Variants in TCF4 observed in about 807,000 individuals in gnomAD.
TCF4 encodes SL3-3 enhancer factor 2.
TCF4 carries 3 observed loss-of-function variants against 82.1 expected under a neutral mutation model. That is an observed-to-expected ratio of 0.04 (90% CI 0.02 to 0.09). TCF4 has a LOEUF of 0.09. TCF4 is among the 10% of genes least tolerant of loss of function. TCF4 has a pLI of 1.00. For synonymous variants in TCF4, 276 were observed against 309.6 expected, an observed-to-expected ratio of 0.89 and a Z score of 1.14; for missense variants, 518 against 852.7, an observed-to-expected ratio of 0.61 and a Z score of 4.89.
chr18:55,580,631 T>G (rs1365547546), intron 3 of TCF4, among the ~76,000 whole-genome samples: 1 of 151,990 alleles, frequency 6.6e-6, no homozygotes, highest in Non-Finnish European at 1.5e-5. Context: ...ATTACAACAT[T>G]AGACACATTT....
intron 3 of TCF4, among the ~76,000 whole-genome samples, chr18:55,515,913 G>C (rs1177478848): frequency 6.6e-6 from 1 of 152,158 alleles, no homozygotes; most frequent in Non-Finnish European, 1.5e-5. Context: ...CAGGAGAGAA[G>C]AGGAGGTTGG....
intron 6 of TCF4, among the ~76,000 whole-genome samples, chr18:55,360,160 G>A (rs1001965666): frequency 6.6e-6 from 1 of 152,164 alleles, no homozygotes; most frequent in African/African-American, 2.4e-5. Flanking sequence ...TATGAAATAG[G>A]TTAGGAGAAC....
chr18:55,254,714 A>C lies in TCF4; in HGVS notation c.1147-14T>G. 6.3e-7 allele frequency: 1 copy of C among 1,595,240 alleles called. No individual in the cohort carries two copies. Among genetic ancestry groups the C allele is most frequent in the Non-Finnish European group, 8.5e-7 (1 of 1,170,028 alleles). The stretch of plus-strand genomic sequence containing the variant: ...AATTCGGCTTTGCTGTTGGTTAACA[A>C]ATGATGTAAAATTTGATTTAGTTCA... On this transcript the variant is annotated splice_polypyrimidine_tract_variant and intron_variant, in intron 14 of 19. Transcript: ENST00000354452.
intron 5 of TCF4, among the ~76,000 whole-genome samples, chr18:55,404,684 T>C (rs1169597391): frequency 6.6e-6 from 1 of 152,166 alleles, no homozygotes; most frequent in Non-Finnish European, 1.5e-5. Context: ...TTTAGGTCAA[T>C]GGCAATGGCA....
At chr18:55,264,587 GA>G (rs1426820730) in intron 11 of TCF4, 2 of 150,044 alleles carry the variant, frequency 1.3e-5, no homozygotes, top group Non-Finnish European at 3.0e-5. Context: ...TCAAGTGGCA[GA>G]ATTTTTTTTT....
At chr18:55,530,669 A>G (rs575151034) in intron 3 of TCF4, among the ~76,000 whole-genome samples, 21 of 152,246 alleles carry the variant, frequency 1.4e-4, no homozygotes, top group African/African-American at 5.1e-4. Flanking sequence ...TTTTAAATAT[A>G]TATTTAAAAG....
intron 3 of TCF4, among the ~76,000 whole-genome samples, chr18:55,485,989 T>C (rs1322087034): frequency 6.6e-6 from 1 of 152,176 alleles, no homozygotes; most frequent in Non-Finnish European, 1.5e-5. Flanking sequence ...TTGGACTAAA[T>C]AAAATTTTGT....
At chr18:55,272,362 G>A (rs1568598461) in intron 10 of TCF4, among the ~76,000 whole-genome samples, 1 of 151,960 alleles carries the variant, frequency 6.6e-6, no homozygotes, top group Non-Finnish European at 1.5e-5. Context: ...CTCTTTTAGA[G>A]GATTTAGGGA....
At chr18:55,625,242 T>A (rs2097725376) in intron 2 of TCF4, among the ~76,000 whole-genome samples, 1 of 141,294 alleles carries the variant, frequency 7.1e-6, no homozygotes, top group Non-Finnish European at 1.5e-5. Flanking sequence ...AGCTACAACT[T>A]TTTTTTTTTT....
intron 8 of TCF4, among the ~76,000 whole-genome samples, chr18:55,284,936 T>C (rs1057372874): frequency 1.3e-5 from 2 of 152,186 alleles, no homozygotes. Context: ...TCTCTCAGCA[T>C]CTACTGGGGA....
chr18:55,377,561 C>G (rs1270239410), intron 6 of TCF4, among the ~76,000 whole-genome samples: 1 of 152,248 alleles, frequency 6.6e-6, no homozygotes, highest in Non-Finnish European at 1.5e-5. Flanking sequence ...CAAATAGCCA[C>G]TTGGCCTACC....
intron 2 of TCF4, among the ~76,000 whole-genome samples, chr18:55,627,142 TAATTTGGTAACTCC>T (rs1419395972): frequency 6.6e-6 from 1 of 152,224 alleles, no homozygotes; most frequent in Non-Finnish European, 1.5e-5. Context: ...TGAGTGGTTC[TAATTTGGTAACTCC>T]AATGGCTCCC....
chr18:55,247,242 G>A (rs1427969170), intron 15 of TCF4, among the ~76,000 whole-genome samples: 2 of 152,180 alleles, frequency 1.3e-5, no homozygotes, highest in East Asian at 1.9e-4. Context: ...TGAAAATATT[G>A]TATTGGTGGC....
intron 3 of TCF4, among the ~76,000 whole-genome samples, chr18:55,526,665 T>C (rs1454731473): frequency 6.6e-6 from 1 of 152,180 alleles, no homozygotes; most frequent in Non-Finnish European, 1.5e-5. Flanking sequence ...TCCAGAATCC[T>C]TGCAGCAATC....
chr18:55,297,380 T>C (rs961444192), intron 8 of TCF4, among the ~76,000 whole-genome samples: 3 of 152,138 alleles, frequency 2.0e-5, no homozygotes, highest in African/African-American at 7.2e-5. Context: ...CTGCCTTTCT[T>C]GAAGTTAGTA....
chr18:55,586,985 GTTTGGGTT>G, intron 2 of TCF4, 52 bp downstream of exon 2: 1 of 1,451,854 alleles, frequency 6.9e-7, no homozygotes, highest in East Asian at 2.3e-5. Context: ...TAGCTGAAGT[GTTTGGGTT>G]TTTGTTTTGT....
intron 17 of TCF4, chr18:55,232,274 C>T: frequency 2.1e-6 from 1 of 487,274 alleles, no homozygotes; most frequent in Non-Finnish European, 3.6e-6. Flanking sequence ...CAAATTTTTT[C>T]ACTGTGTGTC....
chr18:55,600,654 T>C (rs1300258302), intron 2 of TCF4, among the ~76,000 whole-genome samples: 1 of 152,190 alleles, frequency 6.6e-6, no homozygotes, highest in African/African-American at 2.4e-5. Context: ...TAGGCCACAG[T>C]ATACAGGCTT....
intron 3 of TCF4, among the ~76,000 whole-genome samples, chr18:55,570,419 C>T (rs750277169): frequency 1.3e-5 from 2 of 151,958 alleles, no homozygotes; most frequent in Non-Finnish European, 2.9e-5. Context: ...GCATGTATGA[C>T]TAATAATTAT....
Sources: gnomAD v4.1 joint callset for allele counts (sites outside exome capture counted in the v4.1 genomes callset) on GRCh38, gnomAD v4.1.1 for gene constraint, MANE v1.5 for transcripts, NCBI Gene and HGNC (gene_info 2026-07-23, HGNC 2026-07-21) for gene names.